Variants in XKR4 observed in about 807,000 individuals in gnomAD.
The protein encoded by XKR4 is XK-related protein 4.
In XKR4, 12 loss-of-function variants were observed where a neutral mutation model predicts 53.9. That is an observed-to-expected ratio of 0.22 (90% CI 0.14 to 0.36). The LOEUF (loss-of-function observed/expected upper bound fraction) is 0.36, where lower values mean the gene tolerates loss of function less well. Ranked by LOEUF, XKR4 falls within the 10% of genes least tolerant of loss-of-function variation. The pLI, the probability that XKR4 is intolerant of heterozygous loss-of-function variation, is 1.00. For missense variants in XKR4, 799 were observed against 859.5 expected, an observed-to-expected ratio of 0.93 and a Z score of 0.88; for synonymous variants, 354 against 362.4, an observed-to-expected ratio of 0.98 and a Z score of 0.26.
At chr8:55,126,688 T>A (rs988956717) in intron 1 of XKR4, among the ~76,000 whole-genome samples, 1 of 152,212 alleles carries the variant, frequency 6.6e-6, no homozygotes, top group Admixed American at 6.5e-5. Context: ...ACTTCACTGC[T>A]GAAAAATACA....
At chr8:55,128,079 C>A (rs1473322676) in intron 1 of XKR4, among the ~76,000 whole-genome samples, 3 of 152,088 alleles carry the variant, frequency 2.0e-5, no homozygotes, top group South Asian at 2.1e-4. Flanking sequence ...GATTTATAAT[C>A]CCTTGGGTAT....
chr8:55,217,773 G>GATAGATAGATAGATAT (rs1373655015), intron 1 of XKR4, among the ~76,000 whole-genome samples: 2 of 149,946 alleles, frequency 1.3e-5, no homozygotes, highest in East Asian at 3.9e-4. Flanking sequence ...TAGATAGATA[G>GATAGATAGATAGATAT]ATAGATAGAT....
At chr8:55,514,871 G>A (rs1033634474) in intron 2 of XKR4, among the ~76,000 whole-genome samples, 1 of 152,070 alleles carries the variant, frequency 6.6e-6, no homozygotes, top group African/African-American at 2.4e-5. Flanking sequence ...CCCATTTACA[G>A]AATTTTTTTC....
intron 1 of XKR4, among the ~76,000 whole-genome samples, chr8:55,172,256 G>A (rs1317762310): frequency 6.6e-6 from 1 of 151,542 alleles, no homozygotes; most frequent in African/African-American, 2.4e-5. Context: ...CAGGATATAG[G>A]CCTTAGGAAG....
intron 1 of XKR4, among the ~76,000 whole-genome samples, chr8:55,334,591 G>T (rs1803431495): frequency 6.6e-6 from 1 of 152,084 alleles, no homozygotes; most frequent in Admixed American, 6.5e-5. Flanking sequence ...AATATTCCTG[G>T]ACCCCTCTCT....
At chr8:55,186,025 A>G (rs1465996903) in intron 1 of XKR4, among the ~76,000 whole-genome samples, 1 of 152,224 alleles carries the variant, frequency 6.6e-6, no homozygotes, top group Non-Finnish European at 1.5e-5. Context: ...TCATATTTAC[A>G]TTGAAATAAG....
At chr8:55,434,454 G>T (rs1018288909) in intron 2 of XKR4, among the ~76,000 whole-genome samples, 1 of 148,406 alleles carries the variant, frequency 6.7e-6, no homozygotes, top group Non-Finnish European at 1.5e-5. Flanking sequence ...TGCAGAAATG[G>T]CAATCAAGAC....
chr8:55,459,632 T>C (rs1805618836), intron 2 of XKR4, among the ~76,000 whole-genome samples: 1 of 151,748 alleles, frequency 6.6e-6, no homozygotes. Context: ...GACATTTCAC[T>C]AAAAAAAACC....
At chr8:55,402,963 C>T (rs1197244639) in intron 2 of XKR4, among the ~76,000 whole-genome samples, 1 of 152,150 alleles carries the variant, frequency 6.6e-6, no homozygotes, top group African/African-American at 2.4e-5. Context: ...AGGAGCATCA[C>T]AAATCAGAAT....
chr8:55,194,227 A>G (rs1231091403), intron 1 of XKR4, among the ~76,000 whole-genome samples: 2 of 152,220 alleles, frequency 1.3e-5, no homozygotes, highest in Non-Finnish European at 2.9e-5. Flanking sequence ...TGGCGCTGCC[A>G]GCAACCACTG....
chr8:55,448,624 GT>G (rs1680419833), intron 2 of XKR4, among the ~76,000 whole-genome samples: 1 of 152,174 alleles, frequency 6.6e-6, no homozygotes, highest in South Asian at 2.1e-4. Context: ...CTACTCTTTA[GT>G]AAGGTTATTA....
chr8:55,407,920 A>T (rs532679982), intron 2 of XKR4, among the ~76,000 whole-genome samples: 5 of 152,360 alleles, frequency 3.3e-5, no homozygotes, highest in African/African-American at 1.2e-4. Context: ...TAAAGAGACC[A>T]TGAAACTAGG....
intron 1 of XKR4, among the ~76,000 whole-genome samples, chr8:55,339,439 T>C (rs1803509858): frequency 6.6e-6 from 1 of 152,228 alleles, no homozygotes; most frequent in African/African-American, 2.4e-5. Context: ...TAATTTCCTT[T>C]GCCTGATCAT....
At chr8:55,269,416 T>C (rs559447392) in intron 1 of XKR4, among the ~76,000 whole-genome samples, 1 of 152,196 alleles carries the variant, frequency 6.6e-6, no homozygotes, top group Non-Finnish European at 1.5e-5. Context: ...CCATAGTTTA[T>C]AAATTGTTTA....
chr8:55,311,139 C>A (rs1819381743), intron 1 of XKR4, among the ~76,000 whole-genome samples: 1 of 152,172 alleles, frequency 6.6e-6, no homozygotes, highest in Admixed American at 6.5e-5. Flanking sequence ...GGAGTGAAAG[C>A]CCACAGGGAG....
chr8:55,202,684 A>C lies in XKR4; in HGVS notation c.806+99390A>C, dbSNP rs1046637474. On this transcript the variant is annotated intron_variant, in intron 1 of 2. Coordinates refer to ENST00000327381, the MANE Select transcript of XKR4 (RefSeq NM_052898.2). ...ATACTTGTGACTTGTAACTTTCGAG[A>C]TATTGGAGTACTTTCATTTGGCTAA... Among the ~76,000 whole-genome samples, 3 of 152,194 alleles carry C rather than the reference A, an allele frequency of 2.0e-5. No individual in the cohort carries two copies. In the East Asian group the frequency reaches 5.8e-4, roughly 29 times the overall value.
chr8:55,263,025 C>T (rs1818549777), intron 1 of XKR4, among the ~76,000 whole-genome samples: 1 of 152,182 alleles, frequency 6.6e-6, no homozygotes, highest in Admixed American at 6.5e-5. Flanking sequence ...CCTCTGAGTC[C>T]TGCAGCTTTT....
At chr8:55,199,438 T>C (rs917744855) in intron 1 of XKR4, among the ~76,000 whole-genome samples, 2 of 152,230 alleles carry the variant, frequency 1.3e-5, no homozygotes, top group Non-Finnish European at 2.9e-5. Context: ...ATAACTTACA[T>C]CATTTAGGTA....
chr8:55,248,123 G>A (rs944674710), intron 1 of XKR4, among the ~76,000 whole-genome samples: 1 of 151,848 alleles, frequency 6.6e-6, no homozygotes, highest in African/African-American at 2.4e-5. Context: ...CCAAAGTGCT[G>A]GGATTACAGG....
Sources: gnomAD v4.1 joint callset for allele counts (sites outside exome capture counted in the v4.1 genomes callset) on GRCh38, gnomAD v4.1.1 for gene constraint, MANE v1.5 for transcripts, NCBI Gene and HGNC (gene_info 2026-07-23, HGNC 2026-07-21) for gene names.